CA5A: variants seen among roughly 807,000 people sequenced by gnomAD.
CA5A encodes the protein carbonic anhydrase 5A.
A neutral mutation model predicts 37.1 loss-of-function variants in CA5A; 28 were observed. The ratio of observed to expected loss-of-function variants is 0.75; its 90% CI spans 0.56 to 1.03. The LOEUF is 1.03. Among genes scored for constraint, CA5A ranks in the 50% least tolerant of loss-of-function variants. The pLI is 0.00. For synonymous variants in CA5A, 171 were observed against 158.4 expected (o/e 1.08, Z -0.60); for missense variants, 444 against 399.9 (o/e 1.11, Z -0.94).
intron 3 of CA5A, among the ~76,000 whole-genome samples, chr16:87,904,240 G>A (rs1376931575): frequency 2.0e-5 from 3 of 152,084 alleles, no homozygotes; most frequent in African/African-American, 2.4e-5. Context: ...TACTCGGGAG[G>A]CTGAGGCAGG....
chr16:87,901,472 C>A lies in CA5A; in HGVS notation c.618+440G>T, dbSNP rs1490297527. On this transcript the variant is annotated intron_variant, in intron 5 of 6. Transcript: ENST00000649794. ...ACCCTGCGGAATCCCATTTCCAGAA[C>A]TGGAACCACAGCCCCTTGGCGGGGC... is the stretch of plus-strand genomic sequence containing the variant. Among the ~76,000 whole-genome samples, 4 of 152,256 alleles carry A rather than the reference C, an allele frequency of 2.6e-5. No individual in the cohort carries two copies. The East Asian group carries it at 7.7e-4, about 29-fold the overall frequency.
At chr16:87,915,059 C>A (rs77564782) in intron 2 of CA5A, among the ~76,000 whole-genome samples, 8,437 of 152,288 alleles carry the variant, frequency 0.055, 734 homozygotes, top group African/African-American at 0.19. Flanking sequence ...ACGGACATGG[C>A]CCTCTTCATC....
rs34271025 is a variant in CA5A at position 87,890,836 on chromosome 16, C to G, written c.774+963G>C. On this transcript the variant is annotated intron_variant, in intron 6 of 6. Transcript: ENST00000649794. Reference sequence around the variant, plus strand: ...TGAGATGGAGTTTTGCTCTTGTTGTCCAGGCTGGAGTGCAGTGGCGTGATC... The same window carrying G: ...TGAGATGGAGTTTTGCTCTTGTTGTGCAGGCTGGAGTGCAGTGGCGTGATC... 5.5e-3 allele frequency among the ~76,000 whole-genome samples: 835 copies of G among 151,974 alleles called. 7 individuals are homozygous for G. The highest frequency in any genetic ancestry group is 0.01 in the Admixed American group (158 of 15,236).
chr16:87,897,272 G>C (rs184683499), intron 5 of CA5A, among the ~76,000 whole-genome samples: 13,440 of 152,306 alleles, frequency 0.088, 738 homozygotes, highest in Middle Eastern at 0.15. Context: ...GAGGAGGGGG[G>C]ACCCCAGCAG....
At position 87,935,080 on chromosome 16, in the gene CA5A, T is replaced by A. The variant is rs1403391167; in HGVS notation, c.142+1229A>T. Among the ~76,000 whole-genome samples, 10 of 152,212 alleles carry A rather than the reference T, an allele frequency of 6.6e-5. No individual in the cohort carries two copies. In the East Asian group the frequency reaches 1.9e-3, roughly 29 times the overall value. On this transcript the variant is annotated intron_variant, in intron 1 of 6. Transcript: ENST00000649794. ...CATCTCGAGATAAGGACACAGAGGCTTGGGGGTGAAGACCTGCCGAGGCTC... is the reference window on the plus strand; with the variant it reads ...CATCTCGAGATAAGGACACAGAGGCATGGGGGTGAAGACCTGCCGAGGCTC...
chr16:87,914,983 G>A (rs564738666), intron 2 of CA5A, among the ~76,000 whole-genome samples: 29 of 152,356 alleles, frequency 1.9e-4, no homozygotes, highest in African/African-American at 7.0e-4. Context: ...CCGAGTTGAC[G>A]GGTGAGGGGT....
chr16:87,919,224 C>T (rs1232215530), intron 2 of CA5A, among the ~76,000 whole-genome samples: 17 of 152,178 alleles, frequency 1.1e-4, no homozygotes, highest in South Asian at 2.1e-4. Flanking sequence ...AGGGAGGGGC[C>T]GAGGTCAGCT....
chr16:87,891,728 T>A (rs1273685667), intron 6 of CA5A, 71 bp downstream of exon 6: 4 of 1,277,544 alleles, frequency 3.1e-6, no homozygotes, highest in Middle Eastern at 2.7e-4. Context: ...ATGCAGCATC[T>A]TAGTGACGCT....
chr16:87,909,948 C>A (rs1014290968), intron 2 of CA5A, among the ~76,000 whole-genome samples: 34 of 152,292 alleles, frequency 2.2e-4, no homozygotes, highest in Non-Finnish European at 2.9e-5. Flanking sequence ...AGCTTTTGCA[C>A]CCCTTCTAGC....
rs550882820 is a variant in CA5A at position 87,899,549 on chromosome 16, C to T, written c.618+2363G>A. Among the ~76,000 whole-genome samples, 24 of 150,784 alleles carry T rather than the reference C, an allele frequency of 1.6e-4. No homozygotes were observed. In the South Asian group the frequency reaches 3.4e-3, roughly 21 times the overall value. On this transcript the variant is annotated intron_variant, in intron 5 of 6. Coordinates refer to ENST00000649794, the MANE Select transcript of CA5A (RefSeq NM_001739.2). ...AACACCTGACCTCAAGTGATAAGCC[C>T]GCCTTGGCCTCCCAAAGTGCTAGGA... is the stretch of plus-strand genomic sequence containing the variant.
In CA5A at chr16:87,890,176, C is replaced by A. The variant is rs530749006; in HGVS notation, c.774+1623G>T. On this transcript the variant is annotated intron_variant, in intron 6 of 6. Coordinates refer to ENST00000649794, the MANE Select transcript of CA5A (RefSeq NM_001739.2). ...GGCCACCCTGGCTTAATACTATTGG[C>A]TTCGTTTCTACTTTCCTGCCATACA... is the stretch of plus-strand genomic sequence containing the variant. Among the ~76,000 whole-genome samples, 68 of 152,338 alleles carry A rather than the reference C, an allele frequency of 4.5e-4. 1 individual carries two copies. In the South Asian group the frequency reaches 0.014, roughly 32 times the overall value.
intron 2 of CA5A, among the ~76,000 whole-genome samples, chr16:87,908,801 C>T (rs547745603): frequency 5.6e-4 from 85 of 151,978 alleles, no homozygotes; most frequent in African/African-American, 2.0e-3. Context: ...AATTCTTCTT[C>T]TCCTCCTTCT....
chr16:87,895,952 A>G (rs2055796178), intron 5 of CA5A, among the ~76,000 whole-genome samples: 2 of 152,116 alleles, frequency 1.3e-5, no homozygotes, highest in Admixed American at 1.3e-4. Flanking sequence ...GCATGTGGGT[A>G]ACAGGCGGGT....
chr16:87,913,052 T>A (rs1470657986), intron 2 of CA5A, among the ~76,000 whole-genome samples: 2 of 151,814 alleles, frequency 1.3e-5, no homozygotes, highest in African/African-American at 2.4e-5. Flanking sequence ...GGTACAATCT[T>A]GGCTCACTGC....
intron 5 of CA5A, 119 bp downstream of exon 5, chr16:87,901,793 G>A (rs2055881866): frequency 4.3e-6 from 3 of 700,766 alleles, no homozygotes; most frequent in Non-Finnish European, 7.6e-6. Flanking sequence ...CTCCATGTTG[G>A]TCAGGCTGGT....
chr16:87,936,432 A>T lies in CA5A; in HGVS notation c.19T>A (p.Trp7Arg). 2 of 1,613,984 alleles carry T rather than the reference A, an allele frequency of 1.2e-6. No individual in the cohort carries two copies. Among genetic ancestry groups the T allele is most frequent in the Non-Finnish European group, 1.7e-6 (2 of 1,179,948 alleles). The change falls in exon 1 of 7, where the codon TGG becomes AGG. Residue 7 changes from tryptophan (W) to arginine (R), a missense_variant. Transcript: ENST00000649794. Reference sequence around the variant, plus strand: ...AAGAAGGAGAAAGCTGAGGTCTTCCAAGTGTTCCTCCCCAACATCTTGGGT... The same window carrying T: ...AAGAAGGAGAAAGCTGAGGTCTTCCTAGTGTTCCTCCCCAACATCTTGGGT... The part of the protein sequence containing the change: MLGRNT[W>R]KTSAFSFLVE...
At chr16:87,930,826 C>G (rs1423184637) in intron 1 of CA5A, among the ~76,000 whole-genome samples, 1 of 151,578 alleles carries the variant, frequency 6.6e-6, no homozygotes, top group Non-Finnish European at 1.5e-5. Flanking sequence ...CTGCAAGCTC[C>G]AACTCCCTGG....
chr16:87,923,864 T>C (rs942763134), intron 2 of CA5A: 1 of 984,386 alleles, frequency 1.0e-6, no homozygotes, highest in Non-Finnish European at 1.2e-6. Flanking sequence ...GTTCTCAAAA[T>C]TACTAATACA....
chr16:87,889,402 C>A (rs570194522), intron 6 of CA5A, among the ~76,000 whole-genome samples: 16 of 152,256 alleles, frequency 1.1e-4, no homozygotes, highest in African/African-American at 3.9e-4. Context: ...ATTTGTTACA[C>A]AGCAATAGAT....
Sources: gnomAD v4.1 joint callset for allele counts (sites outside exome capture counted in the v4.1 genomes callset) on GRCh38, gnomAD v4.1.1 for gene constraint, MANE v1.5 for transcripts, NCBI Gene and HGNC (gene_info 2026-07-23, HGNC 2026-07-21) for gene names.